The following RIMKLB variants were observed in gnomAD, a reference collection of about 807,000 sequenced individuals.
RIMKLB encodes the protein ribosomal modification protein rimK like family member B, also known as beta-citrylglutamate synthase B.
RIMKLB carries 7 observed loss-of-function variants against 32.0 expected under a neutral mutation model. That is an observed-to-expected ratio of 0.22 (90% CI 0.12 to 0.41). The LOEUF is 0.41. Ranked by LOEUF, RIMKLB falls within the 10% of genes least tolerant of loss-of-function variation. The pLI is 1.00. For missense variants in RIMKLB, 289 were observed against 498.7 expected (o/e 0.58, Z 4.00); for synonymous variants, 172 against 185.1 (o/e 0.93, Z 0.57).
chr12:8,673,480 C>G, the RIMKLB span, among the ~76,000 whole-genome samples: 1 of 152,016 alleles, frequency 6.6e-6, no homozygotes, highest in Non-Finnish European at 1.5e-5. Flanking sequence ...AGCTGGGCTG[C>G]GGGGATGGCT....
rs760022273 is a variant in RIMKLB at position 8,750,622 on chromosome 12, A to AG, written c.406+533dup. 1.3e-4 allele frequency among the ~76,000 whole-genome samples: 19 copies of AG among 151,826 alleles called. No homozygotes were observed. In the East Asian group the frequency reaches 3.7e-3, roughly 29 times the overall value. ...GCAATGCTTTCGAACTTCTGGTAAAAGGGTTTTTTTTTTTAAAAGATCAAT... is the reference window on the plus strand; with the variant it reads ...GCAATGCTTTCGAACTTCTGGTAAAAGGGGTTTTTTTTTTTAAAAGATCAAT... On this transcript the variant is annotated intron_variant, in intron 3 of 5. Transcript: ENST00000535829.
chr12:8,679,416 C>G (rs1004772090), upstream of RIMKLB: 7 of 152,386 alleles, frequency 4.6e-5, no homozygotes, highest in African/African-American at 1.4e-4. Flanking sequence ...GTCTTGAACT[C>G]CTGACTTCAA....
At chr12:8,740,396 T>C (rs750791127) in intron 2 of RIMKLB, among the ~76,000 whole-genome samples, 2 of 152,334 alleles carry the variant, frequency 1.3e-5, no homozygotes, top group South Asian at 4.1e-4. Flanking sequence ...TTTGGTTACA[T>C]GGGTAAGTTC....
chr12:8,704,271 T>C (rs1943655958), intron 1 of RIMKLB, among the ~76,000 whole-genome samples: 1 of 151,904 alleles, frequency 6.6e-6, no homozygotes. Flanking sequence ...TGGTCCCAGC[T>C]ATTCAGGAGG....
intron 1 of RIMKLB, among the ~76,000 whole-genome samples, chr12:8,707,212 A>C (rs1676591839): frequency 6.6e-6 from 1 of 152,110 alleles, no homozygotes; most frequent in African/African-American, 2.4e-5. Flanking sequence ...TTAAGTGCTC[A>C]GTTGCCAAAA....
intron 2 of RIMKLB, among the ~76,000 whole-genome samples, chr12:8,733,675 C>CCTTGT (rs1946746683): frequency 6.6e-6 from 1 of 152,144 alleles, no homozygotes; most frequent in South Asian, 2.1e-4. Flanking sequence ...GAGTTCAAGA[C>CCTTGT]CAGCCTGGGC....
intron 1 of RIMKLB, among the ~76,000 whole-genome samples, chr12:8,698,581 C>T (rs1386154707): frequency 1.3e-5 from 2 of 152,072 alleles, no homozygotes; most frequent in African/African-American, 2.4e-5. Context: ...GAGGGGGCGG[C>T]GACTTCGGGC....
At chr12:8,670,809 C>T in the RIMKLB span, among the ~76,000 whole-genome samples, 2 of 152,246 alleles carry the variant, frequency 1.3e-5, no homozygotes, top group Admixed American at 6.5e-5. Flanking sequence ...GGGCCCCACC[C>T]CTGCAGCAAA....
upstream of RIMKLB, chr12:8,697,636 T>TG: frequency 4.5e-6 from 1 of 221,456 alleles, no homozygotes. Context: ...GAAGACGGTT[T>TG]GGGGGCGGGT....
At chr12:8,692,520 G>C (rs187149670), upstream of RIMKLB, among the ~76,000 whole-genome samples, 5 of 142,540 alleles carry the variant, frequency 3.5e-5, no homozygotes, top group East Asian at 7.7e-4. Flanking sequence ...ATGTGGTAGA[G>C]GAAAAAAAAA....
intron 2 of RIMKLB, among the ~76,000 whole-genome samples, chr12:8,724,714 G>T (rs1053922139): frequency 6.6e-6 from 1 of 152,144 alleles, no homozygotes; most frequent in African/African-American, 2.4e-5. Flanking sequence ...TGGCACCTGG[G>T]TCTACAGTTG....
intron 2 of RIMKLB, among the ~76,000 whole-genome samples, chr12:8,725,340 C>T (rs1377542644): frequency 6.6e-6 from 1 of 152,046 alleles, no homozygotes; most frequent in Non-Finnish European, 1.5e-5. Context: ...TGCAGTGGTG[C>T]GATCTTGGCT....
At chr12:8,770,080 C>A (rs1443578687) in intron 5 of RIMKLB, among the ~76,000 whole-genome samples, 2 of 151,432 alleles carry the variant, frequency 1.3e-5, no homozygotes, top group Non-Finnish European at 2.9e-5. Flanking sequence ...TAAAGTGATT[C>A]TCCTATCTTG....
chr12:8,682,621 A>C (rs1447755126), intron 1 of RIMKLB, among the ~76,000 whole-genome samples: 1 of 151,558 alleles, frequency 6.6e-6, no homozygotes, highest in African/African-American at 2.4e-5. Context: ...GAACACCAAA[A>C]ATTAGCCGGG....
upstream of RIMKLB, among the ~76,000 whole-genome samples, chr12:8,681,042 TG>T (rs1264119124): frequency 1.3e-5 from 2 of 151,552 alleles, no homozygotes; most frequent in Non-Finnish European, 2.9e-5. Context: ...AGAAGTGCAG[TG>T]GCACAATCTT....
At chr12:8,672,142 A>C in the RIMKLB span, among the ~76,000 whole-genome samples, 8 of 152,292 alleles carry the variant, frequency 5.3e-5, no homozygotes, top group Admixed American at 1.3e-4. Flanking sequence ...CCTCATCTCC[A>C]TCTGAGACCA....
intron 2 of RIMKLB, among the ~76,000 whole-genome samples, chr12:8,733,515 A>G (rs920713005): frequency 6.6e-6 from 1 of 152,188 alleles, no homozygotes; most frequent in African/African-American, 2.4e-5. Context: ...TTTAAGTCTG[A>G]AAAAGTGAGA....
chr12:8,759,053 G>A (rs960972651), intron 5 of RIMKLB, among the ~76,000 whole-genome samples: 8 of 152,196 alleles, frequency 5.3e-5, no homozygotes, highest in Non-Finnish European at 8.8e-5. Context: ...TGGTGCCTTT[G>A]TCTTGATAAG....
intron 5 of RIMKLB, among the ~76,000 whole-genome samples, chr12:8,768,540 T>C (rs983004793): frequency 6.6e-6 from 1 of 152,250 alleles, no homozygotes; most frequent in Non-Finnish European, 1.5e-5. Flanking sequence ...TCACATTTGA[T>C]ATTAAGGTTA....
Sources: gnomAD v4.1 joint callset for allele counts (sites outside exome capture counted in the v4.1 genomes callset) on GRCh38, gnomAD v4.1.1 for gene constraint, MANE v1.5 for transcripts, NCBI Gene and HGNC (gene_info 2026-07-23, HGNC 2026-07-21) for gene names.